Variants in RASAL2 observed in about 807,000 individuals in gnomAD.
RASAL2 encodes the protein ras GTPase-activating protein nGAP.
Under a neutral mutation model 128.9 loss-of-function variants are expected in RASAL2, and 58 were observed. The observed-to-expected ratio is 0.45, with a 90% confidence interval of 0.36 to 0.56. The LOEUF is 0.56. Among genes scored for constraint, RASAL2 ranks in the 20% least tolerant of loss-of-function variants. RASAL2 has a pLI of 0.00. For synonymous variants in RASAL2, 561 were observed against 580.8 expected (o/e 0.97, Z 0.49); for missense variants, 1,360 against 1,601.6 (o/e 0.85, Z 2.57).
At chr1:178,139,644 A>G (rs1443086217) in intron 1 of RASAL2, among the ~76,000 whole-genome samples, 1 of 151,896 alleles carries the variant, frequency 6.6e-6, no homozygotes, top group Non-Finnish European at 1.5e-5. Context: ...TTATTTATTT[A>G]TTTGTTTATT....
intron 13 of RASAL2, among the ~76,000 whole-genome samples, chr1:178,457,206 A>G (rs185995653): frequency 7.4e-4 from 113 of 152,364 alleles, no homozygotes; most frequent in Non-Finnish European, 1.4e-3. Flanking sequence ...AGCATTCAAA[A>G]TCTTGGAGAA....
intron 5 of RASAL2, among the ~76,000 whole-genome samples, chr1:178,434,851 T>TA (rs1336132659): frequency 1.3e-5 from 2 of 151,924 alleles, no homozygotes; most frequent in African/African-American, 2.4e-5. Context: ...TTTCACAAAA[T>TA]ACCTAATTGG....
rs78022075 is a variant in RASAL2, at chr1:178,125,014, A to G, written c.202+30320A>G. On this transcript the variant is annotated intron_variant, in intron 1 of 17. Coordinates refer to ENST00000367649, the MANE Select transcript of RASAL2 (RefSeq NM_170692.4). ...AAATGTTATATCTCATACTTAGAGA[A>G]ATTATCTCCTATCCTTTTTAGGTTC... 4.5e-3 allele frequency among the ~76,000 whole-genome samples: 689 copies of G among 152,308 alleles called. 4 individuals are homozygous for G. The highest frequency in any genetic ancestry group is 4.5e-3 in the Non-Finnish European group (307 of 68,024).
chr1:178,142,684 G>C (rs1660576224), intron 1 of RASAL2, among the ~76,000 whole-genome samples: 1 of 152,174 alleles, frequency 6.6e-6, no homozygotes, highest in South Asian at 2.1e-4. Context: ...CGCAGTGTAA[G>C]TGATACTGTA....
intron 1 of RASAL2, among the ~76,000 whole-genome samples, chr1:178,254,043 T>C (rs1321831929): frequency 6.6e-6 from 1 of 152,240 alleles, no homozygotes; most frequent in African/African-American, 2.4e-5. Context: ...CTCTGGCCTC[T>C]GCTTCTCAAG....
chr1:178,314,987 T>C (rs1557895979), intron 3 of RASAL2, among the ~76,000 whole-genome samples: 1 of 142,272 alleles, frequency 7.0e-6, no homozygotes, highest in Non-Finnish European at 1.5e-5. Context: ...CCCCTTCCTG[T>C]GTCCATGTGA....
chr1:178,098,286 CTGTA>C (rs1467188050), intron 1 of RASAL2, among the ~76,000 whole-genome samples: 1 of 152,194 alleles, frequency 6.6e-6, no homozygotes, highest in Non-Finnish European at 1.5e-5. Context: ...ACCTGACTGA[CTGTA>C]TGGGTGGTAG....
chr1:178,143,798 T>C (rs944439956), intron 1 of RASAL2, among the ~76,000 whole-genome samples: 1 of 151,520 alleles, frequency 6.6e-6, no homozygotes, highest in Non-Finnish European at 1.5e-5. Context: ...GTATTACTTA[T>C]ACAATTAAAA....
At chr1:178,298,937 A>G (rs1030392697) in intron 2 of RASAL2, among the ~76,000 whole-genome samples, 2 of 152,000 alleles carry the variant, frequency 1.3e-5, no homozygotes, top group African/African-American at 2.4e-5. Flanking sequence ...AAACCAAAAA[A>G]AACCCACAAC....
chr1:178,318,214 T>A (rs1407244921), intron 3 of RASAL2, among the ~76,000 whole-genome samples: 1 of 150,324 alleles, frequency 6.7e-6, no homozygotes, highest in East Asian at 2.0e-4. Context: ...TACTTCCAAC[T>A]ATGTGGTCAA....
intron 4 of RASAL2, among the ~76,000 whole-genome samples, chr1:178,402,361 G>A (rs765852364): frequency 6.0e-5 from 9 of 151,194 alleles, no homozygotes; most frequent in Non-Finnish European, 1.0e-4. Flanking sequence ...CTGAGATAAC[G>A]CCACTGCACT....
chr1:178,403,962 C>T (rs192461010), intron 4 of RASAL2, among the ~76,000 whole-genome samples: 58 of 152,234 alleles, frequency 3.8e-4, no homozygotes, highest in South Asian at 8.3e-4. Context: ...CACGGTGGCT[C>T]ACGCCTCTAA....
chr1:178,368,226 G>T (rs1295208644), intron 3 of RASAL2, among the ~76,000 whole-genome samples: 1 of 152,102 alleles, frequency 6.6e-6, no homozygotes, highest in Non-Finnish European at 1.5e-5. Flanking sequence ...TCCTGGACTG[G>T]CTGTGTTGAT....
At chr1:178,438,933 T>TGTGTG (rs1311824045) in intron 5 of RASAL2, among the ~76,000 whole-genome samples, 1 of 84,108 alleles carries the variant, frequency 1.2e-5, no homozygotes, top group Non-Finnish European at 2.8e-5. Context: ...GTGTGTGTGT[T>TGTGTG]TTGCCAAAGT....
At chr1:178,244,639 A>G (rs959683826) in intron 1 of RASAL2, among the ~76,000 whole-genome samples, 9 of 152,192 alleles carry the variant, frequency 5.9e-5, no homozygotes. Flanking sequence ...TACATGTGCC[A>G]TGGTGGTTTG....
chr1:178,248,911 G>C (rs1664911476), intron 1 of RASAL2, among the ~76,000 whole-genome samples: 1 of 152,208 alleles, frequency 6.6e-6, no homozygotes, highest in Non-Finnish European at 1.5e-5. Context: ...GAAATCTGCT[G>C]TTAGTCTGAT....
intron 4 of RASAL2, among the ~76,000 whole-genome samples, chr1:178,403,563 G>A (rs1405080730): frequency 6.6e-6 from 1 of 152,142 alleles, no homozygotes; most frequent in Non-Finnish European, 1.5e-5. Flanking sequence ...AGAGTAATCA[G>A]GAATGGTTTC....
chr1:178,415,634 T>G (rs1014340004), intron 4 of RASAL2, among the ~76,000 whole-genome samples: 6 of 152,130 alleles, frequency 3.9e-5, no homozygotes, highest in African/African-American at 1.4e-4. Context: ...ATTTTCTGCC[T>G]GCTAGATCTG....
At chr1:178,139,886 C>T (rs1374402590) in intron 1 of RASAL2, among the ~76,000 whole-genome samples, 1 of 152,014 alleles carries the variant, frequency 6.6e-6, no homozygotes, top group African/African-American at 2.4e-5. Flanking sequence ...TTTGTGAAAA[C>T]CAGAGCACTT....
Sources: allele counts gnomAD v4.1 joint callset (sites outside exome capture counted in the v4.1 genomes callset), GRCh38; gene constraint gnomAD v4.1.1; transcripts MANE v1.5; gene names NCBI Gene and HGNC (gene_info 2026-07-23, HGNC 2026-07-21).